Variants in PTPRN2 observed in about 807,000 individuals in gnomAD.
The protein encoded by PTPRN2 is protein tyrosine phosphatase receptor type N2, also known as receptor-type tyrosine-protein phosphatase N2.
In PTPRN2, 74 loss-of-function variants were observed where a neutral mutation model predicts 118.8. The ratio of observed to expected loss-of-function variants is 0.62; its 90% CI spans 0.52 to 0.76. The LOEUF (loss-of-function observed/expected upper bound fraction) is 0.76, where lower values mean the gene tolerates loss of function less well. Among genes scored for constraint, PTPRN2 ranks in the 30% least tolerant of loss-of-function variants. The pLI is 0.00. For synonymous variants in PTPRN2, 641 were observed against 608.0 expected, an observed-to-expected ratio of 1.05 and a Z score of -0.80; for missense variants, 1,481 against 1,394.4, an observed-to-expected ratio of 1.06 and a Z score of -0.99.
chr7:158,487,214 T>A (rs1034631810), intron 2 of PTPRN2, among the ~76,000 whole-genome samples: 2 of 152,236 alleles, frequency 1.3e-5, no homozygotes, highest in Non-Finnish European at 2.9e-5. Flanking sequence ...TTGGCTGTTG[T>A]GCATTAACTG....
At chr7:157,889,320 C>T (rs1438213025) in intron 12 of PTPRN2, among the ~76,000 whole-genome samples, 1 of 151,840 alleles carries the variant, frequency 6.6e-6, no homozygotes, top group Non-Finnish European at 1.5e-5. Flanking sequence ...CAACTAATCA[C>T]CACCAGGCTT....
At chr7:158,445,412 A>G (rs1420295713) in intron 2 of PTPRN2, among the ~76,000 whole-genome samples, 1 of 152,164 alleles carries the variant, frequency 6.6e-6, no homozygotes, top group East Asian at 1.9e-4. Flanking sequence ...TACACTGCAC[A>G]GCAGCCTCCA....
chr7:158,131,567 AC>A (rs1818297485), intron 9 of PTPRN2, among the ~76,000 whole-genome samples: 2 of 149,324 alleles, frequency 1.3e-5, no homozygotes, highest in Admixed American at 1.3e-4. Context: ...ATACACAGCT[AC>A]CCGACATACA....
At chr7:157,925,498 TGGTCCC>T (rs1313648162) in intron 11 of PTPRN2, among the ~76,000 whole-genome samples, 1 of 152,230 alleles carries the variant, frequency 6.6e-6, no homozygotes, top group East Asian at 1.9e-4. Flanking sequence ...ACCTTCCTCG[TGGTCCC>T]GGGTCCCAAC....
chr7:157,880,856 G>A (rs1473635943), intron 12 of PTPRN2, among the ~76,000 whole-genome samples: 1 of 152,168 alleles, frequency 6.6e-6, no homozygotes, highest in East Asian at 1.9e-4. Flanking sequence ...CAGGAAAATG[G>A]CATAGATGTA....
chr7:157,782,926 C>T (rs1244891732), intron 12 of PTPRN2, among the ~76,000 whole-genome samples: 1 of 152,210 alleles, frequency 6.6e-6, no homozygotes. Flanking sequence ...TGTGTCCCCA[C>T]CCAAATCTCA....
At chr7:158,165,210 A>G (rs1822845036) in intron 6 of PTPRN2, among the ~76,000 whole-genome samples, 1 of 131,700 alleles carries the variant, frequency 7.6e-6, no homozygotes, top group Non-Finnish European at 1.7e-5. Context: ...GAAGACCCTG[A>G]TGGTGTCTAG....
At chr7:158,319,454 A>AAG (rs1802660040) in intron 2 of PTPRN2, among the ~76,000 whole-genome samples, 1 of 114,662 alleles carries the variant, frequency 8.7e-6, no homozygotes, top group African/African-American at 3.8e-5. Context: ...TCACACACGC[A>AAG]CACAGCCTCC....
chr7:157,553,492 A>T (rs1798735690), intron 21 of PTPRN2, among the ~76,000 whole-genome samples: 1 of 152,152 alleles, frequency 6.6e-6, no homozygotes, highest in Non-Finnish European at 1.5e-5. Flanking sequence ...GTCCTCACAT[A>T]AAATGTGATG....
rs138046898 is a variant in PTPRN2 at position 158,316,845 on chromosome 7, A to C, written c.251T>G (p.Val84Gly). 606 of 1,608,742 alleles carry C rather than the reference A, an allele frequency of 3.8e-4. 3 individuals carry two copies. The African/African-American group carries it at 7.4e-3, about 20-fold the overall frequency. The change falls in exon 3 of 23, where the codon GTG becomes GGG. Residue 84 changes from valine to glycine, a missense_variant. Physicochemically the swap from Val to Gly is moderately radical, Grantham distance 109. This residue lies in a region of PTPRN2 where 1,115 missense variants were observed against 994.2 expected (regional missense o/e 1.12). Transcript: ENST00000389418. ...TGTGCCGGAAAGCTTCTGCAACGCC[A>C]CGCGCAGGCGCTGCAGGGCCACGGG... Reference protein sequence around the residue: ...VSPVALQRLRVALQKLSGTGF... With the variant: ...VSPVALQRLRGALQKLSGTGF...
intron 2 of PTPRN2, among the ~76,000 whole-genome samples, chr7:158,387,557 T>C (rs1811548601): frequency 6.6e-6 from 1 of 152,186 alleles, no homozygotes; most frequent in African/African-American, 2.4e-5. Flanking sequence ...TCCAGGGGGC[T>C]GCGGCATCCC....
At chr7:157,850,095 T>C (rs1809156950) in intron 12 of PTPRN2, among the ~76,000 whole-genome samples, 1 of 152,242 alleles carries the variant, frequency 6.6e-6, no homozygotes, top group Admixed American at 6.5e-5. Flanking sequence ...TGAAAATCTT[T>C]TATGGGAGGA....
Position 158,574,625 on chromosome 7 carries a change from T to C in PTPRN2, c.112+12933A>G, listed in dbSNP as rs1828224197. On this transcript the variant is annotated intron_variant, in intron 1 of 22. Coordinates refer to ENST00000389418, the MANE Select transcript of PTPRN2 (RefSeq NM_002847.5). This position sits in a 1 kb window ranked among gnomAD's most constrained non-coding sequence, Gnocchi z 4.6. Reference sequence around the variant, plus strand: ...GGCAGAAGAGTGATAGGATCAGATTTTCAGTTGTGGCAGTTACTCTAGCCA... The same window carrying C: ...GGCAGAAGAGTGATAGGATCAGATTCTCAGTTGTGGCAGTTACTCTAGCCA... Among the ~76,000 whole-genome samples the C allele has an allele frequency of 6.6e-6, 1 of 152,218 alleles. No individual in the cohort carries two copies. Among genetic ancestry groups the C allele is most frequent in the Non-Finnish European group, 1.5e-5 (1 of 68,030 alleles).
At position 157,810,593 on chromosome 7, in the gene PTPRN2, C is replaced by T. The variant is rs561889600; in HGVS notation, c.1788+88080G>A. Among the ~76,000 whole-genome samples the T allele has an allele frequency of 2.7e-3, 214 of 79,318 alleles. 5 individuals are homozygous for T. The highest frequency in any genetic ancestry group is 0.014 in the South Asian group (33 of 2,302). 52.0% of individuals were successfully genotyped at this position (79,318 alleles called of 152,430 possible). ...GCTGGGCTCTCCATGGGGACAGGGA[C>T]GGGGACGGCGGGACTGCTGGGGGCT... On this transcript the variant is annotated intron_variant, in intron 12 of 22. Coordinates refer to ENST00000389418, the MANE Select transcript of PTPRN2 (RefSeq NM_002847.5).
intron 12 of PTPRN2, among the ~76,000 whole-genome samples, chr7:157,860,222 G>A (rs960393716): frequency 6.6e-6 from 1 of 152,212 alleles, no homozygotes; most frequent in Admixed American, 6.5e-5. Flanking sequence ...CACAGCCTGC[G>A]ATCTCTGCAT....
chr7:157,745,236 C>T (rs888597421), intron 12 of PTPRN2, among the ~76,000 whole-genome samples: 3 of 152,184 alleles, frequency 2.0e-5, no homozygotes, highest in Admixed American at 6.5e-5. Context: ...CTCCTGGGGC[C>T]CTGCCCAGGT....
intron 6 of PTPRN2, among the ~76,000 whole-genome samples, chr7:158,149,507 TA>T (rs1293688984): frequency 3.3e-5 from 5 of 152,110 alleles, no homozygotes; most frequent in Non-Finnish European, 2.9e-5. Context: ...CACTGATTTT[TA>T]AAAAGATAAG....
At position 158,529,980 on chromosome 7, in the gene PTPRN2, G is replaced by C. The variant is rs900196556; in HGVS notation, c.113-40195C>G. On this transcript the variant is annotated intron_variant, in intron 1 of 22. Transcript: ENST00000389418. This position sits in a 1 kb window ranked among gnomAD's most constrained non-coding sequence, Gnocchi z 4.7. ...ACACACAAGCATGCACGCCACACAT[G>C]CCATACACACCACACGCATGCCACA... Among the ~76,000 whole-genome samples, 6 of 152,052 alleles carry C rather than the reference G, an allele frequency of 3.9e-5. No homozygotes were observed. The highest frequency in any genetic ancestry group is 1.5e-5 in the Non-Finnish European group (1 of 68,010).
At chr7:157,738,225 C>G (rs1041686900) in intron 12 of PTPRN2, among the ~76,000 whole-genome samples, 1 of 152,196 alleles carries the variant, frequency 6.6e-6, no homozygotes, top group Non-Finnish European at 1.5e-5. Flanking sequence ...GGGGACGTAT[C>G]TGTGTGCTCT....
Sources: gnomAD v4.1 joint callset for allele counts (sites outside exome capture counted in the v4.1 genomes callset) on GRCh38, gnomAD v4.1.1 for gene constraint, gnomAD v4.1.1 regional missense constraint, Gnocchi (gnomAD v3.1) non-coding constraint, MANE v1.5 for transcripts, NCBI Gene and HGNC (gene_info 2026-07-23, HGNC 2026-07-21) for gene names.